CLCN7: variants seen among roughly 807,000 people sequenced by gnomAD.
CLCN7 encodes Cl-/H+ antiporter 7.
A neutral mutation model predicts 102.1 loss-of-function variants in CLCN7; 60 were observed. The ratio of observed to expected loss-of-function variants is 0.59; its 90% confidence interval spans 0.48 to 0.73. CLCN7 has a LOEUF of 0.73. Among genes scored for constraint, CLCN7 ranks in the 30% least tolerant of loss-of-function variants. The pLI, the probability that CLCN7 is intolerant of heterozygous loss-of-function variation, is 0.00. For synonymous variants in CLCN7, 560 were observed against 490.5 expected (o/e 1.14, Z -1.87); for missense variants, 962 against 1,125.7 (o/e 0.85, Z 2.08).
chr16:1,451,725 T>G lies in CLCN7; in HGVS notation c.1354-9A>C. 2 of 1,610,864 alleles carry G rather than the reference T, an allele frequency of 1.2e-6. No homozygotes were observed. The highest frequency in any genetic ancestry group is 1.7e-6 in the Non-Finnish European group (2 of 1,178,948). The stretch of plus-strand genomic sequence containing the variant: ...CCATCTGCACAAAAGAGCTGTGGGG[T>G]CGGGAGAGAGCACACGTTGGGAGGG... On this transcript the variant is annotated splice_polypyrimidine_tract_variant and intron_variant, in intron 15 of 24. Transcript: ENST00000382745.
intron 1 of CLCN7, among the ~76,000 whole-genome samples, chr16:1,470,250 G>A (rs573144713): frequency 2.6e-5 from 4 of 152,306 alleles, no homozygotes; most frequent in African/African-American, 9.6e-5. Flanking sequence ...TTCCGCCTTG[G>A]CCTCTCAAGT....
intron 17 of CLCN7, chr16:1,450,050 G>C (rs115628499): frequency 0.065 from 13,107 of 201,016 alleles, 566 homozygotes; most frequent in Non-Finnish European, 0.092. Context: ...AGACACATAA[G>C]AGAACCCAGT....
rs1386096175 is a variant in CLCN7, at chr16:1,465,465, A to G, written c.142-127T>C. 8 of 836,646 alleles carry G rather than the reference A, an allele frequency of 9.6e-6. No individual in the cohort carries two copies. The Admixed American group carries it at 1.4e-4, about 15-fold the overall frequency. The allele number at this position is 836,646 out of a possible 1,614,324, so 51.8% of individuals were successfully genotyped here. On this transcript the variant is annotated intron_variant, in intron 1 of 24. Coordinates refer to ENST00000382745, the MANE Select transcript of CLCN7 (RefSeq NM_001287.6). ...CGGGAGCTCAGGAATGGGCTAGGCC[A>G]GGCCTGCCTGCTGGGTGGGGGCAGC...
intron 1 of CLCN7, chr16:1,474,412 G>T (rs1323246438): frequency 3.0e-6 from 1 of 338,556 alleles, no homozygotes; most frequent in East Asian, 8.6e-5. Flanking sequence ...CATCTCCCAG[G>T]GGGTCAAAAA....
At chr16:1,467,171 C>T (rs896112782) in intron 1 of CLCN7, among the ~76,000 whole-genome samples, 1 of 152,178 alleles carries the variant, frequency 6.6e-6, no homozygotes, top group Non-Finnish European at 1.5e-5. Flanking sequence ...AGGCCATCCC[C>T]ATCAAAAGCC....
chr16:1,463,026 G>A (rs1476260782), intron 2 of CLCN7, among the ~76,000 whole-genome samples: 2 of 151,998 alleles, frequency 1.3e-5, no homozygotes, highest in African/African-American at 2.4e-5. Flanking sequence ...GGTGACATGC[G>A]CCTGAGTCCC....
chr16:1,447,340 C>A, intron 23 of CLCN7, 52 bp downstream of exon 23: 1 of 1,509,386 alleles, frequency 6.6e-7, no homozygotes, highest in Non-Finnish European at 8.9e-7. Context: ...TGGACCCCAC[C>A]CCCTGCTGTT....
At chr16:1,474,692 C>A (rs1331168831) in intron 1 of CLCN7, 142 bp downstream of exon 1, 4 of 714,018 alleles carry the variant, frequency 5.6e-6, no homozygotes, top group African/African-American at 1.9e-5. Flanking sequence ...CGCCGAGGAG[C>A]CCCGGGGCGC....
At chr16:1,450,124 C>T (rs2038721196) in intron 17 of CLCN7, 1 of 323,524 alleles carries the variant, frequency 3.1e-6, no homozygotes, top group Admixed American at 4.4e-5. Context: ...CAGTGTATGC[C>T]GCTCTGGCCC....
chr16:1,468,629 G>A (rs980005814), intron 1 of CLCN7, among the ~76,000 whole-genome samples: 3 of 152,144 alleles, frequency 2.0e-5, no homozygotes, highest in African/African-American at 7.2e-5. Context: ...AGGAACACGT[G>A]AGCCAACACT....
intron 1 of CLCN7, among the ~76,000 whole-genome samples, chr16:1,468,535 T>A (rs1042564757): frequency 6.6e-6 from 1 of 152,162 alleles, no homozygotes; most frequent in African/African-American, 2.4e-5. Flanking sequence ...AATTAAACAC[T>A]AGATGCTGTT....
intron 2 of CLCN7, among the ~76,000 whole-genome samples, chr16:1,462,707 G>C (rs569088090): frequency 2.0e-5 from 3 of 146,814 alleles, no homozygotes; most frequent in Admixed American, 6.7e-5. Context: ...GTACTGGCAT[G>C]AAGATGGCCA....
chr16:1,455,099 A>ACG, intron 12 of CLCN7, 35 bp downstream of exon 12: 1 of 1,210,816 alleles, frequency 8.3e-7, no homozygotes, highest in Non-Finnish European at 1.2e-6. Flanking sequence ...GGACCAGGAT[A>ACG]CGAGGTGGGC....
chr16:1,451,117 C>T (rs981242278), intron 16 of CLCN7, among the ~76,000 whole-genome samples: 3 of 152,204 alleles, frequency 2.0e-5, no homozygotes, highest in Non-Finnish European at 2.9e-5. Flanking sequence ...GGTGAAAGGC[C>T]GGCACTCCAA....
rs17135344 is a variant in CLCN7 at position 1,461,099 on chromosome 16, C to T, written c.352-151G>A. 896 of 1,132,494 alleles carry T rather than the reference C, an allele frequency of 7.9e-4. 8 individuals are homozygous for T. The African/African-American group carries it at 0.013, about 16-fold the overall frequency. 70.2% of individuals were successfully genotyped at this position (1,132,494 alleles called of 1,614,324 possible). On this transcript the variant is annotated intron_variant, in intron 4 of 24. Transcript: ENST00000382745. The stretch of plus-strand genomic sequence containing the variant: ...AGTCCCACAAAGGACAGTTTCTGGC[C>T]AACATCTGAGGCGCACCCGGGGCCC...
chr16:1,449,470 A>C (rs897571684), intron 17 of CLCN7, 143 bp from the exon 18 acceptor site: 28 of 728,450 alleles, frequency 3.8e-5, no homozygotes, highest in Non-Finnish European at 6.2e-5. Context: ...CACACAGAAC[A>C]ACCTAGCACA....
rs1402685311 is a variant in CLCN7, at chr16:1,457,637, C to T, written c.738+57G>A. The T allele has an allele frequency of 2.5e-6, 4 of 1,580,710 alleles. No individual in the cohort carries two copies. In the African/African-American group the frequency reaches 5.4e-5, roughly 21 times the overall value. On this transcript the variant is annotated intron_variant, in intron 8 of 24. Transcript: ENST00000382745. This position sits in a 1 kb window ranked among gnomAD's most constrained non-coding sequence, Gnocchi z 5.4. ...CAGAGACACACATGGGCGTGGCGGC[C>T]CTCGCGGGCCCGGCGGCCTCAGGCT...
At chr16:1,471,651 G>C (rs2039079368) in intron 1 of CLCN7, 1 of 152,266 alleles carries the variant, frequency 6.6e-6, no homozygotes, top group Non-Finnish European at 1.5e-5. Flanking sequence ...TTTGTGACAG[G>C]CACCGTGCTC....
rs571581419 is a variant in CLCN7, at chr16:1,449,434, G to A, written c.1618-107C>T. On this transcript the variant is annotated intron_variant, in intron 17 of 24. Coordinates refer to ENST00000382745, the MANE Select transcript of CLCN7 (RefSeq NM_001287.6). ...CCAGGCCCAGCAGCCCCACAGCCAG[G>A]AACAAACCTCGTGGCCGCGTACATA... 500 of 1,043,804 alleles carry A rather than the reference G, an allele frequency of 4.8e-4. 4 individuals are homozygous for A. The South Asian group carries it at 6.5e-3, about 14-fold the overall frequency. The allele number at this position is 1,043,804 out of a possible 1,614,324, so 64.7% of individuals were successfully genotyped here.
Sources: gnomAD v4.1 joint callset for allele counts (sites outside exome capture counted in the v4.1 genomes callset) on GRCh38, gnomAD v4.1.1 for gene constraint, Gnocchi (gnomAD v3.1) non-coding constraint, MANE v1.5 for transcripts, NCBI Gene and HGNC (gene_info 2026-07-23, HGNC 2026-07-21) for gene names.